CSMD1: variants seen among roughly 807,000 people sequenced by gnomAD.
The protein encoded by CSMD1 is CUB and Sushi multiple domains 1.
A neutral mutation model predicts 417.5 loss-of-function variants in CSMD1; 213 were observed. The ratio of observed to expected loss-of-function variants is 0.51; its 90% confidence interval spans 0.46 to 0.57. The LOEUF is 0.57. CSMD1 is among the 20% of genes least tolerant of loss of function. The probability of loss-of-function intolerance (pLI) is 0.00; values close to 1 mark genes in which losing one functional copy is unlikely to be tolerated. For synonymous variants in CSMD1, 2,862 were observed against 1,736.8 expected (o/e 1.65, Z -16.11); for missense variants, 6,923 against 4,529.7 (o/e 1.53, Z -15.17).
chr8:3,398,780 T>C (rs996554868), intron 16 of CSMD1, among the ~76,000 whole-genome samples: 3 of 152,210 alleles, frequency 2.0e-5, no homozygotes, highest in Non-Finnish European at 4.4e-5. Flanking sequence ...ACCCTTCTTA[T>C]ATAGAACTCC....
At chr8:4,177,904 C>T (rs1358058473) in intron 3 of CSMD1, among the ~76,000 whole-genome samples, 3 of 151,756 alleles carry the variant, frequency 2.0e-5, no homozygotes, top group African/African-American at 7.3e-5. Context: ...TCTGAATAGA[C>T]CAATAACAGG....
In CSMD1 at chr8:4,420,032, C is replaced by G; in HGVS notation, c.336G>C (p.Val112=). The G allele has an allele frequency of 6.3e-7, 1 of 1,579,212 alleles. No homozygotes were observed. The highest frequency in any genetic ancestry group is 8.6e-7 in the Non-Finnish European group (1 of 1,161,268). ...ACAGAGTGAGGATAGATCCTGTACT[C>G]ACTATAGAGGAGGGCAGCTGAAATC... ...LSGFQLPSSI[V]STGSILTLWF... is the part of the protein sequence containing the mutation. The change falls in exon 3 of 70, where the codon GTG becomes GTC. Residue 112 remains valine (V), a synonymous_variant. Transcript: ENST00000635120.
chr8:4,026,833 G>A (rs1298715710), intron 4 of CSMD1, among the ~76,000 whole-genome samples: 2 of 152,212 alleles, frequency 1.3e-5, no homozygotes, highest in Admixed American at 6.5e-5. Flanking sequence ...ATGACAGGGA[G>A]ACTCTGTGGC....
At chr8:3,254,831 T>C (rs1800529507) in intron 26 of CSMD1, among the ~76,000 whole-genome samples, 1 of 152,144 alleles carries the variant, frequency 6.6e-6, no homozygotes, top group Non-Finnish European at 1.5e-5. Flanking sequence ...CTCCTTTAGC[T>C]CGGGGTCGTT....
rs867680026 is a variant in CSMD1 at position 4,450,377 on chromosome 8, C to T, written c.303-30312G>A. Among the ~76,000 whole-genome samples, 6 of 152,174 alleles carry T rather than the reference C, an allele frequency of 3.9e-5. No individual in the cohort carries two copies. The Middle Eastern group carries it at 0.01, about 259-fold the overall frequency. On this transcript the variant is annotated intron_variant, in intron 2 of 69. Coordinates refer to ENST00000635120, the MANE Select transcript of CSMD1 (RefSeq NM_033225.6). ...GTGTGGTGGCTCACACCTGTAATCC[C>T]AGCACTTTGGAAGGCTGAGGCAGGC...
chr8:4,294,114 A>T (rs966728808), intron 3 of CSMD1, among the ~76,000 whole-genome samples: 4 of 152,192 alleles, frequency 2.6e-5, no homozygotes, highest in Admixed American at 2.0e-4. Flanking sequence ...TGGAAAAAGT[A>T]ATGTGGCAAT....
At chr8:3,429,167 T>C (rs1227453795) in intron 12 of CSMD1, among the ~76,000 whole-genome samples, 1 of 152,252 alleles carries the variant, frequency 6.6e-6, no homozygotes, top group Middle Eastern at 3.4e-3. Flanking sequence ...TATTTCAAAA[T>C]AGCTAGAAGA....
Position 4,989,641 on chromosome 8 carries a change from T to A in CSMD1, c.85+4691A>T, listed in dbSNP as rs79106483. Among the ~76,000 whole-genome samples the A allele has an allele frequency of 5.5e-3, 835 of 152,380 alleles. 3 individuals carry two copies. The highest frequency in any genetic ancestry group is 0.037 in the Middle Eastern group (11 of 294). On this transcript the variant is annotated intron_variant, in intron 1 of 69. Transcript: ENST00000635120. ...AAAAGGCCAAAGGGAAAAGGTAGCT[T>A]AAATTGCATGTATGCAACTTGTAAT...
chr8:4,210,518 G>A (rs867468429), intron 3 of CSMD1, among the ~76,000 whole-genome samples: 28 of 152,114 alleles, frequency 1.8e-4, no homozygotes, highest in Non-Finnish European at 1.0e-4. Flanking sequence ...ATATCTTAGT[G>A]TGAAATTGGT....
chr8:4,981,543 C>T (rs902672507), intron 1 of CSMD1, among the ~76,000 whole-genome samples: 1 of 152,210 alleles, frequency 6.6e-6, no homozygotes, highest in East Asian at 1.9e-4. Flanking sequence ...CAATTATACA[C>T]TTGGGAATCT....
At chr8:4,565,462 G>T (rs887594745) in intron 2 of CSMD1, among the ~76,000 whole-genome samples, 1 of 151,934 alleles carries the variant, frequency 6.6e-6, no homozygotes, top group Non-Finnish European at 1.5e-5. Context: ...TTTAGCCCAG[G>T]CATAGTGGCT....
At chr8:4,569,937 T>A (rs773365245) in intron 2 of CSMD1, among the ~76,000 whole-genome samples, 3 of 150,982 alleles carry the variant, frequency 2.0e-5, no homozygotes, top group Non-Finnish European at 4.4e-5. Flanking sequence ...GATTTGGCTC[T>A]CTGTCTATTG....
intron 1 of CSMD1, among the ~76,000 whole-genome samples, chr8:4,890,590 G>A (rs761434001): frequency 1.1e-4 from 16 of 150,358 alleles, no homozygotes; most frequent in Non-Finnish European, 1.8e-4. Flanking sequence ...GGACAGGTGA[G>A]AGCGTGACTC....
intron 25 of CSMD1, among the ~76,000 whole-genome samples, chr8:3,296,123 A>G (rs1425005612): frequency 6.6e-6 from 1 of 152,082 alleles, no homozygotes; most frequent in East Asian, 1.9e-4. Context: ...AGTAGACAGG[A>G]AAAGAATCAC....
At chr8:3,278,752 G>A (rs1016755155) in intron 26 of CSMD1, 1 of 152,012 alleles carries the variant, frequency 6.6e-6, no homozygotes, top group African/African-American at 2.4e-5. Flanking sequence ...ATGGCTTCTT[G>A]GGTGTGATGG....
At chr8:3,480,094 C>G (rs893657226) in intron 11 of CSMD1, among the ~76,000 whole-genome samples, 1 of 152,122 alleles carries the variant, frequency 6.6e-6, no homozygotes, top group Non-Finnish European at 1.5e-5. Context: ...AGTGGTGACT[C>G]ACATCTGTAA....
intron 5 of CSMD1, among the ~76,000 whole-genome samples, chr8:3,800,218 T>C (rs1050507028): frequency 1.3e-5 from 2 of 152,130 alleles, no homozygotes; most frequent in Non-Finnish European, 2.9e-5. Flanking sequence ...TCAACAAACT[T>C]ATTGATGATG....
intron 3 of CSMD1, among the ~76,000 whole-genome samples, chr8:4,164,446 C>T (rs913841604): frequency 1.3e-5 from 2 of 152,064 alleles, no homozygotes; most frequent in African/African-American, 4.8e-5. Context: ...TCTGAAACAG[C>T]CTGGCATGCT....
rs1177382642 is a variant in CSMD1, at chr8:3,387,676, G to C, written c.2600C>G (p.Thr867Arg). The C allele has an allele frequency of 5.6e-6, 9 of 1,593,720 alleles. No homozygotes were observed. Among genetic ancestry groups the C allele is most frequent in the Non-Finnish European group, 6.8e-6 (8 of 1,169,818 alleles). ...GTCCAGGCAGGAATCCGACTCAAGC[G>C]TCACACCTGGATGCACAGAACGAAT... The part of the protein sequence containing the change: ...IGFLIHYESV[T>R]LESDSCLDPG... Residue 867 changes from threonine to arginine, a missense_variant, in exon 18 of 70, where the codon ACG becomes AGG. Thr to Arg is a moderately conservative substitution (Grantham distance 71). Transcript: ENST00000635120.
Sources: allele counts gnomAD v4.1 joint callset (sites outside exome capture counted in the v4.1 genomes callset), GRCh38; gene constraint gnomAD v4.1.1; transcripts MANE v1.5; gene names NCBI Gene and HGNC (gene_info 2026-07-23, HGNC 2026-07-21).